The following KCNH4 variants were observed in gnomAD, a reference collection of about 807,000 sequenced individuals.
The protein encoded by KCNH4 is potassium voltage-gated channel subfamily H member 4.
KCNH4 carries 33 observed loss-of-function variants against 90.7 expected under a neutral mutation model. The ratio of observed to expected loss-of-function variants is 0.36; its 90% CI spans 0.28 to 0.49. The LOEUF is 0.49. Ranked by LOEUF, KCNH4 falls within the 20% of genes least tolerant of loss-of-function variation. The probability of loss-of-function intolerance (pLI) is 0.98; values close to 1 mark genes in which losing one functional copy is unlikely to be tolerated. For synonymous variants in KCNH4, 551 were observed against 581.7 expected (o/e 0.95, Z 0.76); for missense variants, 1,044 against 1,387.1 (o/e 0.75, Z 3.93).
At chr17:42,176,352 G>T in intron 4 of KCNH4, 55 bp from the exon 5 acceptor site, 1 of 1,531,172 alleles carries the variant, frequency 6.5e-7, no homozygotes, top group Non-Finnish European at 8.9e-7. Flanking sequence ...GAGCCAAGAT[G>T]GGGGGTGGGA....
chr17:42,179,474 C>G (rs887154128), intron 1 of KCNH4, among the ~76,000 whole-genome samples: 1 of 152,204 alleles, frequency 6.6e-6, no homozygotes, highest in Non-Finnish European at 1.5e-5. Context: ...CTCACATGGT[C>G]GTTGTGAGAG....
rs888147645 is a variant in KCNH4, at chr17:42,181,052, C to T, written c.-107G>A. ...CCGGGGCGCCCCATGCGCCCTCCTG[C>T]CTCCTCCCCTCCCTCTTACTGCCGC... is the stretch of plus-strand genomic sequence containing the variant. On this transcript the variant is annotated 5_prime_UTR_variant, in exon 1 of 17. Transcript: ENST00000264661. The T allele has an allele frequency of 5.5e-6, 5 of 912,066 alleles. No individual in the cohort carries two copies. In the African/African-American group the frequency reaches 8.7e-5, roughly 16 times the overall value. 56.5% of individuals were successfully genotyped at this position (912,066 alleles called of 1,614,324 possible).
chr17:42,160,527 T>G, intron 15 of KCNH4, 92 bp from the exon 16 acceptor site: 1 of 1,352,148 alleles, frequency 7.4e-7, no homozygotes, highest in African/African-American at 1.5e-5. Context: ...TCGCAGCCAC[T>G]TTCTGCTCAT....
At chr17:42,160,616 T>C (rs1014406965) in intron 15 of KCNH4, among the ~76,000 whole-genome samples, 181 bp from the exon 16 acceptor site, 2 of 152,174 alleles carry the variant, frequency 1.3e-5, no homozygotes, top group African/African-American at 2.4e-5. Context: ...CAGAAAGGAT[T>C]TGGGGCAGCA....
chr17:42,165,359 G>A (rs1347061498), intron 11 of KCNH4, 90 bp downstream of exon 11: 50 of 1,511,638 alleles, frequency 3.3e-5, no homozygotes, highest in Non-Finnish European at 4.2e-5. Context: ...TTTTTAGGGT[G>A]GAGGGAGGTT....
At chr17:42,169,727 T>C (rs947682280) in intron 8 of KCNH4, 51 bp from the exon 9 acceptor site, 3 of 1,574,768 alleles carry the variant, frequency 1.9e-6, no homozygotes, top group Non-Finnish European at 2.6e-6. Context: ...TCTGGCCACC[T>C]CCCCAGCTCC....
intron 4 of KCNH4, 93 bp from the exon 5 acceptor site, chr17:42,176,390 G>A: frequency 2.4e-6 from 3 of 1,263,892 alleles, no homozygotes; most frequent in Non-Finnish European, 3.4e-6. Flanking sequence ...AAGTTAGCAG[G>A]TGGGCACTGC....
chr17:42,171,387 C>G (rs2079825892), intron 7 of KCNH4, among the ~76,000 whole-genome samples: 1 of 152,014 alleles, frequency 6.6e-6, no homozygotes, highest in South Asian at 2.1e-4. Context: ...CAGAGGGATT[C>G]CAAGGGCCTG....
Position 42,160,098 on chromosome 17 carries a change from G to T in KCNH4, c.2996C>A (p.Pro999His). 1 of 1,577,814 alleles carries T rather than the reference G, an allele frequency of 6.3e-7. No individual in the cohort carries two copies. The highest frequency in any genetic ancestry group is 2.2e-5 in the East Asian group (1 of 44,552). ...GTGCCTCAAGAGGCTTGGGGTTGGG[G>T]GTGAGGCCTCTGGCACTGGAGAGGG... ...LGPSPVPEAS[P>H]PTPSLLRHSF... Residue 999 changes from proline (P) to histidine (H), a missense_variant, in exon 16 of 17, where the codon CCC (proline) becomes CAC (histidine). Pro to His is a moderately conservative substitution (Grantham distance 77). This residue lies in a region of KCNH4 where 441 missense variants were observed against 512.3 expected (regional missense o/e 0.86). Coordinates refer to ENST00000264661, the MANE Select transcript of KCNH4 (RefSeq NM_012285.3).
chr17:42,163,194 G>A lies in KCNH4; in HGVS notation c.2584+34C>T. On this transcript the variant is annotated intron_variant, in intron 14 of 16. Transcript: ENST00000264661. This position sits in a 1 kb window ranked among gnomAD's most constrained non-coding sequence, Gnocchi z 5.4. The stretch of plus-strand genomic sequence containing the variant: ...GGATGGACAGGTGGATGGGCAGATG[G>A]ATGACGGGGTTGAAGTCCACTGTTG... 1 of 1,405,288 alleles carries A rather than the reference G, an allele frequency of 7.1e-7. No homozygotes were observed. The highest frequency in any genetic ancestry group is 1.0e-6 in the Non-Finnish European group (1 of 989,534). The allele number at this position is 1,405,288 out of a possible 1,614,324, so 87.1% of individuals were successfully genotyped here.
At position 42,178,126 on chromosome 17, in the gene KCNH4, C is replaced by T. The variant is rs1289616852; in HGVS notation, c.559G>A (p.Gly187Ser). Reference sequence around the variant, plus strand: ...TTATTGGCCTTCATGCCTCCCTGGCCCCGGCGGCCAAAGTGGCCGGTCAGT... The same window carrying T: ...TTATTGGCCTTCATGCCTCCCTGGCTCCGGCGGCCAAAGTGGCCGGTCAGT... ...HRLTGHFGRR[G>S]QGGMKANNNV... The change falls in exon 4 of 17, where the codon GGC (glycine) becomes AGC (serine). Residue 187 changes from glycine (G) to serine (S), a missense_variant. This residue lies in a region of KCNH4 where 283 missense variants were observed against 378.6 expected (regional missense o/e 0.75). Transcript: ENST00000264661. 3 of 1,613,940 alleles carry T rather than the reference C, an allele frequency of 1.9e-6. No individual in the cohort carries two copies. Among genetic ancestry groups the T allele is most frequent in the African/African-American group, 1.3e-5 (1 of 74,908 alleles).
rs760076806 is a variant in KCNH4, at chr17:42,160,322, G to A, written c.2772C>T (p.Thr924=). ...PPGHPAGSAW[T]PDPPCPQLRP... ...TCAGCTGTGGACAAGGAGGGTCTGGGGTCCAAGCGGAGCCTGCTGGGTGGC... is the reference window on the plus strand; with the variant it reads ...TCAGCTGTGGACAAGGAGGGTCTGGAGTCCAAGCGGAGCCTGCTGGGTGGC... The change falls in exon 16 of 17, where the codon ACC becomes ACT. Residue 924 remains threonine, a synonymous_variant. Coordinates refer to ENST00000264661, the MANE Select transcript of KCNH4 (RefSeq NM_012285.3). 1.2e-6 allele frequency: 2 copies of A among 1,614,110 alleles called. No homozygotes were observed. Among genetic ancestry groups the A allele is most frequent in the African/African-American group, 1.3e-5 (1 of 75,042 alleles).
rs1316719725 is a variant in KCNH4, at chr17:42,171,851, A to G, written c.1132T>C (p.Cys378Arg). ...VFALLAHWMA[C>R]IWYVIGRREM... ...CGGCGCCCGATGACATACCAGATGC[A>G]GGCCATCCAGTGGGCAAGGAGCGCA... Residue 378 changes from cysteine (C) to arginine (R), a missense_variant, in exon 7 of 17, where the codon TGC (cysteine) becomes CGC (arginine). By Grantham distance (180) the Cys-to-Arg change is radical (BLOSUM62 -3). Coordinates refer to ENST00000264661, the MANE Select transcript of KCNH4 (RefSeq NM_012285.3). 1 of 1,614,038 alleles carries G rather than the reference A, an allele frequency of 6.2e-7. No homozygotes were observed. Among genetic ancestry groups the G allele is most frequent in the East Asian group, 2.2e-5 (1 of 44,882 alleles).
Position 42,171,882 on chromosome 17 carries a change from C to G in KCNH4, c.1101G>C (p.Ser367=), listed in dbSNP as rs566520890. The stretch of plus-strand genomic sequence containing the variant: ...TCCAGTGGGCAAGGAGCGCAAAGAC[C>G]GACATGAGCAGCGTGAGCACCACAG... ...CSAVVLTLLM[S]VFALLAHWMA... Residue 367 remains serine, a synonymous_variant, in exon 7 of 17, where the codon TCG becomes TCC. Coordinates refer to ENST00000264661, the MANE Select transcript of KCNH4 (RefSeq NM_012285.3). The G allele has an allele frequency of 2.4e-5, 38 of 1,613,990 alleles. No homozygotes were observed. Among genetic ancestry groups the G allele is most frequent in the Non-Finnish European group, 3.1e-5 (37 of 1,180,030 alleles).
At position 42,178,487 on chromosome 17, in the gene KCNH4, T is replaced by A. The variant is rs774605489; in HGVS notation, c.311-10A>T. 2 of 1,614,058 alleles carry A rather than the reference T, an allele frequency of 1.2e-6. No individual in the cohort carries two copies. The highest frequency in any genetic ancestry group is 1.7e-6 in the Non-Finnish European group (2 of 1,179,966). On this transcript the variant is annotated splice_polypyrimidine_tract_variant and intron_variant, in intron 2 of 16. Coordinates refer to ENST00000264661, the MANE Select transcript of KCNH4 (RefSeq NM_012285.3). Reference sequence around the variant, plus strand: ...CACCAAAAGGCTGAGCCTGTAGGCATGGAGAGAGGGAAGGGAGGAGCATGG... The same window carrying A: ...CACCAAAAGGCTGAGCCTGTAGGCAAGGAGAGAGGGAAGGGAGGAGCATGG...
intron 1 of KCNH4, among the ~76,000 whole-genome samples, chr17:42,179,959 G>A (rs1244360805): frequency 6.6e-6 from 1 of 152,254 alleles, no homozygotes; most frequent in Non-Finnish European, 1.5e-5. Context: ...CAGTCCTGGT[G>A]CTCTAGGAGG....
chr17:42,167,868 C>G (rs1417259086), intron 9 of KCNH4, among the ~76,000 whole-genome samples: 2 of 152,222 alleles, frequency 1.3e-5, no homozygotes, highest in African/African-American at 4.8e-5. Context: ...AGGATAAAAT[C>G]TAAATTCTAG....
chr17:42,158,032 G>A (rs1182229762), intron 16 of KCNH4, among the ~76,000 whole-genome samples: 1 of 151,914 alleles, frequency 6.6e-6, no homozygotes, highest in African/African-American at 2.4e-5. Context: ...AGGTTCAAGC[G>A]ATTCTCCTGC....
chr17:42,180,736 T>G lies in KCNH4; in HGVS notation c.76+134A>C. The stretch of plus-strand genomic sequence containing the variant: ...CCCGCCCTGTTCCTGCACCGCGGCT[T>G]TGGGAGTTCCTAGACCCGCACCTCC... On this transcript the variant is annotated intron_variant, in intron 1 of 16. Transcript: ENST00000264661. The surrounding 1 kb of genome is among the most constrained non-coding windows in gnomAD (Gnocchi z 4.7). 5.7e-6 allele frequency: 5 copies of G among 876,484 alleles called. No homozygotes were observed. The highest frequency in any genetic ancestry group is 7.3e-6 in the Non-Finnish European group (4 of 547,714). The allele number at this position is 876,484 out of a possible 1,614,324, so 54.3% of individuals were successfully genotyped here.
Sources: allele counts gnomAD v4.1 joint callset (sites outside exome capture counted in the v4.1 genomes callset), GRCh38; gene constraint gnomAD v4.1.1; regional missense constraint gnomAD v4.1.1; non-coding constraint Gnocchi (gnomAD v3.1); transcripts MANE v1.5; gene names NCBI Gene and HGNC (gene_info 2026-07-23, HGNC 2026-07-21).